Variants in ETV6 observed in about 807,000 individuals in gnomAD.
The protein encoded by ETV6 is transcription factor ETV6.
Under a neutral mutation model 51.1 loss-of-function variants are expected in ETV6, and 16 were observed. The observed-to-expected ratio is 0.31, with a 90% CI of 0.21 to 0.48. ETV6 has a LOEUF of 0.48. ETV6 is among the 20% of genes least tolerant of loss of function. The pLI, the probability that ETV6 is intolerant of heterozygous loss-of-function variation, is 0.99. For synonymous variants in ETV6, 240 were observed against 224.1 expected, an observed-to-expected ratio of 1.07 and a Z score of -0.64; for missense variants, 458 against 594.8, an observed-to-expected ratio of 0.77 and a Z score of 2.39.
intron 1 of ETV6, among the ~76,000 whole-genome samples, chr12:11,665,995 T>C (rs879233295): frequency 6.6e-6 from 1 of 152,218 alleles, no homozygotes; most frequent in Admixed American, 6.5e-5. Flanking sequence ...TCCTTTTTTT[T>C]GATGTGGCTC....
chr12:11,872,551 T>A (rs1312568874), intron 5 of ETV6, among the ~76,000 whole-genome samples: 1 of 151,198 alleles, frequency 6.6e-6, no homozygotes, highest in Non-Finnish European at 1.5e-5. Context: ...TGGAGTTCAG[T>A]GATGCAATCT....
intron 2 of ETV6, among the ~76,000 whole-genome samples, chr12:11,773,442 G>T (rs949668951): frequency 1.3e-5 from 2 of 152,160 alleles, no homozygotes; most frequent in African/African-American, 4.8e-5. Context: ...TTGAATTTGA[G>T]AACATGGTTT....
chr12:11,693,164 G>T (rs76624649), intron 1 of ETV6, among the ~76,000 whole-genome samples: 2,631 of 152,300 alleles, frequency 0.017, 30 homozygotes, highest in Middle Eastern at 0.071. Context: ...GTGGGAGACA[G>T]TGTTGCATCT....
At chr12:11,862,227 C>G (rs1207802331) in intron 4 of ETV6, among the ~76,000 whole-genome samples, 6 of 152,198 alleles carry the variant, frequency 3.9e-5, no homozygotes, top group Admixed American at 1.3e-4. Flanking sequence ...GAATCATCCA[C>G]TCCAAACTAG....
At chr12:11,748,781 C>CA (rs757930439) in intron 1 of ETV6, among the ~76,000 whole-genome samples, 1 of 152,118 alleles carries the variant, frequency 6.6e-6, no homozygotes, top group Non-Finnish European at 1.5e-5. Context: ...TAGATGGGTA[C>CA]CCTTCATTGG....
intron 1 of ETV6, among the ~76,000 whole-genome samples, chr12:11,698,241 T>C (rs1864915003): frequency 6.6e-6 from 1 of 152,216 alleles, no homozygotes; most frequent in Non-Finnish European, 1.5e-5. Flanking sequence ...TCTGCTTGCA[T>C]TCCTAACATC....
intron 3 of ETV6, chr12:11,840,349 C>T (rs918334640): frequency 2.2e-6 from 1 of 445,848 alleles, no homozygotes; most frequent in Non-Finnish European, 4.5e-6. Context: ...TTAGAAGGTA[C>T]CTGTCTGGGA....
At position 11,892,154 on chromosome 12, in the gene ETV6, C is replaced by T. The variant is rs994916224; in HGVS notation, c.*1108C>T. 1 of 232,360 alleles carries T rather than the reference C, an allele frequency of 4.3e-6. No individual in the cohort carries two copies. The highest frequency in any genetic ancestry group is 6.0e-5 in the East Asian group (1 of 16,552). The allele number at this position is 232,360 out of a possible 1,614,324, so 14.4% of individuals were successfully genotyped here. ...AACAGAGGCTAGTGAGAAAGAAAAG[C>T]TCCTCTCTGCTCCATTCCAAAGGCC... On this transcript the variant is annotated 3_prime_UTR_variant, in exon 8 of 8. Transcript: ENST00000396373.
chr12:11,691,757 G>A (rs205543), intron 1 of ETV6, among the ~76,000 whole-genome samples: 50,296 of 152,098 alleles, frequency 0.33, 10,367 homozygotes, highest in Non-Finnish European at 0.45. Context: ...ATTGATGGGC[G>A]TTGAAGTTGG....
At chr12:11,854,265 G>T (rs570995424) in intron 4 of ETV6, among the ~76,000 whole-genome samples, 1 of 152,178 alleles carries the variant, frequency 6.6e-6, no homozygotes, top group Non-Finnish European at 1.5e-5. Flanking sequence ...TGGGACTCAG[G>T]CGGTAATACG....
intron 3 of ETV6, among the ~76,000 whole-genome samples, chr12:11,843,706 C>T (rs1463735723): frequency 6.6e-6 from 1 of 152,020 alleles, no homozygotes; most frequent in African/African-American, 2.4e-5. Context: ...CAGTAGACTC[C>T]CTGAATGCCA....
intron 7 of ETV6, among the ~76,000 whole-genome samples, chr12:11,889,828 G>A (rs1947259969): frequency 6.6e-6 from 1 of 152,192 alleles, no homozygotes; most frequent in Admixed American, 6.5e-5. Flanking sequence ...GGAGGAATGA[G>A]AGAAAATGTA....
At chr12:11,817,137 C>T (rs1423909136) in intron 2 of ETV6, among the ~76,000 whole-genome samples, 1 of 152,232 alleles carries the variant, frequency 6.6e-6, no homozygotes, top group African/African-American at 2.4e-5. Flanking sequence ...TAGTTAACTC[C>T]TCTGACCATG....
chr12:11,830,593 C>T lies in ETV6; in HGVS notation c.164-8547C>T, dbSNP rs1395581966. On this transcript the variant is annotated intron_variant, in intron 2 of 7. Coordinates refer to ENST00000396373, the MANE Select transcript of ETV6 (RefSeq NM_001987.5). ...AGCTGGAGTAAGTGATCAGATGTGT[C>T]GGGGAGGAGAGGGGTGCCAATCACA... Among the ~76,000 whole-genome samples the T allele has an allele frequency of 3.3e-5, 5 of 152,258 alleles. No individual in the cohort carries two copies. The South Asian group carries it at 6.2e-4, about 19-fold the overall frequency.
intron 1 of ETV6, among the ~76,000 whole-genome samples, chr12:11,734,450 T>C (rs1865663551): frequency 7.0e-6 from 1 of 142,382 alleles, no homozygotes; most frequent in Non-Finnish European, 1.5e-5. Flanking sequence ...CTACAAAAAA[T>C]ATAAAAATTA....
intron 1 of ETV6, among the ~76,000 whole-genome samples, chr12:11,667,372 C>G (rs1291346318): frequency 6.6e-6 from 1 of 152,128 alleles, no homozygotes; most frequent in East Asian, 1.9e-4. Context: ...CCCTTTACAG[C>G]CTTACCAGGC....
intron 5 of ETV6, among the ~76,000 whole-genome samples, chr12:11,870,976 A>G (rs866149089): frequency 2.0e-5 from 3 of 152,128 alleles, no homozygotes; most frequent in South Asian, 2.1e-4. Flanking sequence ...TTTGCAGGGG[A>G]GAGAGCCTGA....
intron 1 of ETV6, among the ~76,000 whole-genome samples, chr12:11,725,808 C>G (rs918419218): frequency 2.0e-5 from 3 of 152,160 alleles, no homozygotes; most frequent in Non-Finnish European, 4.4e-5. Flanking sequence ...CCTCTCTTGC[C>G]ACGTGATCTC....
At chr12:11,651,875 G>C (rs776807384) in intron 1 of ETV6, among the ~76,000 whole-genome samples, 2 of 152,146 alleles carry the variant, frequency 1.3e-5, no homozygotes, top group African/African-American at 4.8e-5. Context: ...GACGTTTCTT[G>C]ATCCTCTTCT....
Sources: allele counts gnomAD v4.1 joint callset (sites outside exome capture counted in the v4.1 genomes callset), GRCh38; gene constraint gnomAD v4.1.1; transcripts MANE v1.5; gene names NCBI Gene and HGNC (gene_info 2026-07-23, HGNC 2026-07-21).